The following PIK3C2G variants were observed in gnomAD, a reference collection of about 807,000 sequenced individuals.
PIK3C2G encodes phosphatidylinositol-4-phosphate 3-kinase catalytic subunit type 2 gamma.
PIK3C2G carries 168 observed loss-of-function variants against 181.1 expected under a neutral mutation model. That is an observed-to-expected ratio of 0.93 (90% CI 0.82 to 1.05). The LOEUF is 1.05. Ranked by LOEUF, PIK3C2G falls within the 50% of genes least tolerant of loss-of-function variation. PIK3C2G has a pLI of 0.00. For synonymous variants in PIK3C2G, 573 were observed against 592.2 expected (o/e 0.97, Z 0.47); for missense variants, 1,869 against 1,732.8 (o/e 1.08, Z -1.40).
At chr12:18,307,297 CAGAT>C (rs1284896958) in intron 5 of PIK3C2G, among the ~76,000 whole-genome samples, 1 of 151,082 alleles carries the variant, frequency 6.6e-6, no homozygotes, top group Non-Finnish European at 1.5e-5. Flanking sequence ...TAGTAACTAG[CAGAT>C]AGATAGAATC....
chr12:18,573,027 G>A lies in PIK3C2G; in HGVS notation c.4011+5970G>A, dbSNP rs562486386. On this transcript the variant is annotated intron_variant, in intron 29 of 32. Transcript: ENST00000538779. ...GTTATTTTTAAATCTTTCTTAAAACGCCACTATTGAGAATCACTGCATGTA... is the reference window on the plus strand; with the variant it reads ...GTTATTTTTAAATCTTTCTTAAAACACCACTATTGAGAATCACTGCATGTA... 1.2e-4 allele frequency among the ~76,000 whole-genome samples: 18 copies of A among 152,036 alleles called. 1 individual carries two copies. The highest frequency in any genetic ancestry group is 3.9e-4 in the African/African-American group (16 of 41,466).
chr12:18,666,661 C>T, the PIK3C2G span, among the ~76,000 whole-genome samples: 76 of 152,176 alleles, frequency 5.0e-4, no homozygotes, highest in African/African-American at 7.5e-4. Flanking sequence ...AAGTACTAGA[C>T]GAAAGACAGA....
At chr12:18,514,645 A>T (rs1325881517) in intron 24 of PIK3C2G, among the ~76,000 whole-genome samples, 3 of 151,774 alleles carry the variant, frequency 2.0e-5, no homozygotes, top group Admixed American at 1.3e-4. Flanking sequence ...TTTTTTGTGA[A>T]GTCTTTAGTA....
intron 5 of PIK3C2G, among the ~76,000 whole-genome samples, chr12:18,303,997 A>G (rs984747901): frequency 1.8e-4 from 27 of 152,010 alleles, no homozygotes; most frequent in African/African-American, 6.5e-4. Context: ...AAGTAGTTAT[A>G]TATTTTAAAA....
chr12:18,343,458 T>C (rs1939338139), intron 10 of PIK3C2G, 98 bp downstream of exon 10: 4 of 602,594 alleles, frequency 6.6e-6, no homozygotes, highest in Middle Eastern at 4.5e-4. Flanking sequence ...AATACTGTGG[T>C]AACACACAAC....
chr12:18,400,177 G>T (rs1944165852), intron 16 of PIK3C2G, among the ~76,000 whole-genome samples: 1 of 152,016 alleles, frequency 6.6e-6, no homozygotes, highest in Non-Finnish European at 1.5e-5. Flanking sequence ...TAAAAATTAG[G>T]ATCATTTTTG....
At chr12:18,438,711 T>C (rs1025508079) in intron 18 of PIK3C2G, among the ~76,000 whole-genome samples, 1 of 151,676 alleles carries the variant, frequency 6.6e-6, no homozygotes, top group Non-Finnish European at 1.5e-5. Flanking sequence ...CAATAAAAGA[T>C]AGAATAATGT....
chr12:18,585,786 A>C (rs1381683575), intron 29 of PIK3C2G, among the ~76,000 whole-genome samples: 6 of 152,230 alleles, frequency 3.9e-5, no homozygotes, highest in African/African-American at 1.4e-4. Flanking sequence ...AAAATCAATC[A>C]CACAATTGGA....
At chr12:18,367,740 T>C (rs1941743646) in intron 12 of PIK3C2G, among the ~76,000 whole-genome samples, 1 of 151,938 alleles carries the variant, frequency 6.6e-6, no homozygotes, top group South Asian at 2.1e-4. Flanking sequence ...GTATTTTTAG[T>C]ACAGACAGGG....
In PIK3C2G at chr12:18,562,855, G is replaced by A; in HGVS notation, c.3743G>A (p.Arg1248Lys). The A allele has an allele frequency of 6.2e-7, 1 of 1,605,554 alleles. No individual in the cohort carries two copies. Among genetic ancestry groups the A allele is most frequent in the Non-Finnish European group, 8.5e-7 (1 of 1,175,364 alleles). Residue 1248 changes from arginine to lysine, a missense_variant, in exon 27 of 33, where the codon AGA becomes AAA. Arg to Lys is a conservative substitution (Grantham distance 26). Coordinates refer to ENST00000538779, the MANE Select transcript of PIK3C2G (RefSeq NM_001288772.2). ...CLLSTTRSIERATILGFSKKS... is the reference protein window; with the variant it reads ...CLLSTTRSIEKATILGFSKKS... The stretch of plus-strand genomic sequence containing the variant: ...CTGAGTACAACTAGGTCGATTGAAA[G>A]AGCAACAATTTTAGGGTTCAGCAAG...
chr12:18,647,978 G>T lies in PIK3C2G; in HGVS notation c.4411G>T (p.Val1471Phe), dbSNP rs750011111. Residue 1471 changes from valine to phenylalanine, a missense_variant, in exon 33 of 33, where the codon GTC (valine) becomes TTC (phenylalanine). Physicochemically the swap from Val to Phe is conservative, Grantham distance 50. Transcript: ENST00000538779. Reference protein sequence around the residue: ...VGAINIRLCSVPLDKEKWYPL... With the variant: ...VGAINIRLCSFPLDKEKWYPL... The stretch of plus-strand genomic sequence containing the variant: ...AGCAATTAACATCCGACTCTGTAGT[G>T]TCCCACTCGATAAAGAAAAATGGTA... 3 of 1,598,292 alleles carry T rather than the reference G, an allele frequency of 1.9e-6. No individual in the cohort carries two copies. The African/African-American group carries it at 4.0e-5, about 22-fold the overall frequency.
chr12:18,432,290 C>G (rs1488052248), intron 18 of PIK3C2G, among the ~76,000 whole-genome samples: 1 of 152,108 alleles, frequency 6.6e-6, no homozygotes, highest in Admixed American at 6.6e-5. Flanking sequence ...CCCTCAAAAT[C>G]TTCTATTTTG....
chr12:18,324,114 G>C (rs140721503), intron 7 of PIK3C2G, among the ~76,000 whole-genome samples: 1 of 152,080 alleles, frequency 6.6e-6, no homozygotes, highest in East Asian at 1.9e-4. Context: ...CAGCTACTCC[G>C]GATGCTGAGG....
chr12:18,380,553 C>G (rs1942770882), intron 13 of PIK3C2G, among the ~76,000 whole-genome samples: 1 of 152,134 alleles, frequency 6.6e-6, no homozygotes, highest in African/African-American at 2.4e-5. Flanking sequence ...CTCTATTAAA[C>G]TAATTCATAC....
intron 26 of PIK3C2G, among the ~76,000 whole-genome samples, chr12:18,561,384 A>G (rs1266275179): frequency 6.6e-6 from 1 of 152,200 alleles, no homozygotes; most frequent in Admixed American, 6.5e-5. Context: ...GAAGCTGAGG[A>G]GGGAAGATCC....
chr12:18,510,467 A>G (rs1942133299), intron 24 of PIK3C2G, among the ~76,000 whole-genome samples: 1 of 152,216 alleles, frequency 6.6e-6, no homozygotes, highest in Non-Finnish European at 1.5e-5. Context: ...ATAAAGCAGG[A>G]GAAATTGAGA....
the PIK3C2G span, chr12:18,693,510 C>A: frequency 1.2e-6 from 2 of 1,610,978 alleles, no homozygotes; most frequent in African/African-American, 2.7e-5. Context: ...CAAACCTCAG[C>A]CACTTTCTTG....
chr12:18,360,268 T>C (rs1455857301), intron 11 of PIK3C2G, among the ~76,000 whole-genome samples: 1 of 152,208 alleles, frequency 6.6e-6, no homozygotes, highest in African/African-American at 2.4e-5. Flanking sequence ...GAAAACTCTG[T>C]ACTTCTATTT....
At chr12:18,623,303 C>A (rs1469567473) in intron 31 of PIK3C2G, among the ~76,000 whole-genome samples, 1 of 151,702 alleles carries the variant, frequency 6.6e-6, no homozygotes, top group Admixed American at 6.6e-5. Flanking sequence ...TAGAGGCTGT[C>A]CTTTTCTCAT....
Sources: gnomAD v4.1 joint callset for allele counts (sites outside exome capture counted in the v4.1 genomes callset) on GRCh38, gnomAD v4.1.1 for gene constraint, MANE v1.5 for transcripts, NCBI Gene and HGNC (gene_info 2026-07-23, HGNC 2026-07-21) for gene names.